CCDC30: variants seen among roughly 807,000 people sequenced by gnomAD.
CCDC30 encodes the protein coiled-coil domain containing 30.
A neutral mutation model predicts 100.2 loss-of-function variants in CCDC30; 70 were observed. That is an observed-to-expected ratio of 0.70 (90% CI 0.58 to 0.85). The LOEUF (loss-of-function observed/expected upper bound fraction) is 0.85, where lower values mean the gene tolerates loss of function less well. CCDC30 is among the 40% of genes least tolerant of loss of function. The probability of loss-of-function intolerance (pLI) is 0.00; values close to 1 mark genes in which losing one functional copy is unlikely to be tolerated. For missense variants in CCDC30, 652 were observed against 771.2 expected (o/e 0.85, Z 1.83); for synonymous variants, 233 against 269.5 (o/e 0.86, Z 1.33).
chr1:42,655,614 G>A (rs531213386), downstream of CCDC30, among the ~76,000 whole-genome samples: 1 of 152,218 alleles, frequency 6.6e-6, no homozygotes, highest in East Asian at 1.9e-4. Flanking sequence ...TCCTGGGGGA[G>A]GGGGTATGAG....
intron 6 of CCDC30, among the ~76,000 whole-genome samples, chr1:42,525,967 G>C (rs1285471760): frequency 6.6e-6 from 1 of 152,092 alleles, no homozygotes; most frequent in African/African-American, 2.4e-5. Flanking sequence ...GTGTGGCTCA[G>C]TATTCAGGAA....
upstream of CCDC30, among the ~76,000 whole-genome samples, chr1:42,461,666 C>A (rs1643415736): frequency 6.6e-6 from 1 of 151,918 alleles, no homozygotes; most frequent in Admixed American, 6.6e-5. Context: ...CCTTCCTCAG[C>A]CTCCCTAGTA....
At chr1:42,565,360 A>G (rs1202380526) in intron 6 of CCDC30, among the ~76,000 whole-genome samples, 1 of 152,206 alleles carries the variant, frequency 6.6e-6, no homozygotes, top group African/African-American at 2.4e-5. Flanking sequence ...AAATAATCCA[A>G]TTTAAAAATA....
chr1:42,616,217 A>G (rs546758068), intron 11 of CCDC30, among the ~76,000 whole-genome samples: 55 of 152,272 alleles, frequency 3.6e-4, no homozygotes, highest in African/African-American at 1.3e-3. Context: ...TGCCTGGCCT[A>G]TTTTGAATTT....
At chr1:42,646,140 T>C in exon 15 of CCDC30, 1 of 1,582,806 alleles carries the variant, frequency 6.3e-7, no homozygotes, top group South Asian at 1.2e-5. Flanking sequence ...CTTAGAATCT[T>C]AAGGAGTTTC....
At chr1:42,576,070 G>A (rs976029600) in intron 7 of CCDC30, among the ~76,000 whole-genome samples, 1 of 152,208 alleles carries the variant, frequency 6.6e-6, no homozygotes, top group African/African-American at 2.4e-5. Flanking sequence ...GCAAGCTGGT[G>A]GGATCTGGAG....
chr1:42,485,329 C>A (rs1644032688), intron 3 of CCDC30, among the ~76,000 whole-genome samples: 1 of 152,052 alleles, frequency 6.6e-6, no homozygotes, highest in South Asian at 2.1e-4. Context: ...ATACATTGGA[C>A]TAAATCAAAA....
At chr1:42,565,135 T>A (rs1242031632) in intron 6 of CCDC30, among the ~76,000 whole-genome samples, 1 of 152,184 alleles carries the variant, frequency 6.6e-6, no homozygotes, top group Non-Finnish European at 1.5e-5. Flanking sequence ...GTTTCACATT[T>A]TTCTTGGCAA....
At chr1:42,579,229 A>T (rs1449322679) in intron 8 of CCDC30, among the ~76,000 whole-genome samples, 1 of 151,612 alleles carries the variant, frequency 6.6e-6, no homozygotes, top group Non-Finnish European at 1.5e-5. Flanking sequence ...TGACCTCGTG[A>T]TCCACCCACC....
At chr1:42,576,840 C>G (rs1256301999) in intron 7 of CCDC30, among the ~76,000 whole-genome samples, 180 bp from the exon 12 acceptor site, 1 of 152,136 alleles carries the variant, frequency 6.6e-6, no homozygotes, top group African/African-American at 2.4e-5. Context: ...ATTCCTTTGT[C>G]TAACTGCCAT....
the CCDC30 span, chr1:42,456,901 T>G: frequency 6.2e-7 from 1 of 1,612,136 alleles, no homozygotes; most frequent in Non-Finnish European, 8.5e-7. Flanking sequence ...GCCCAGCCCT[T>G]TCGGGCTTGC....
chr1:42,567,235 T>C (rs12034787), intron 7 of CCDC30, among the ~76,000 whole-genome samples: 17,729 of 152,246 alleles, frequency 0.12, 1,266 homozygotes, highest in East Asian at 0.27. Flanking sequence ...CTTCTGTTTT[T>C]ATAAATAAAG....
At chr1:42,618,172 T>C (rs1021705092) in intron 11 of CCDC30, among the ~76,000 whole-genome samples, 9 of 151,304 alleles carry the variant, frequency 5.9e-5, no homozygotes, top group Admixed American at 3.3e-4. Context: ...ACAGGTATAC[T>C]GCTGGATCTT....
intron 7 of CCDC30, among the ~76,000 whole-genome samples, chr1:42,572,026 AT>A (rs762347669): frequency 2.0e-5 from 3 of 152,338 alleles, no homozygotes; most frequent in Admixed American, 6.5e-5. Context: ...ATGCACATGT[AT>A]CCTGATGTCC....
chr1:42,609,311 T>C (rs1181751795), intron 10 of CCDC30, among the ~76,000 whole-genome samples: 1 of 152,254 alleles, frequency 6.6e-6, no homozygotes, highest in African/African-American at 2.4e-5. Flanking sequence ...TTATTTTCTC[T>C]AGTTTACTTT....
chr1:42,586,494 A>G (rs1480409776), intron 9 of CCDC30, among the ~76,000 whole-genome samples: 1 of 152,010 alleles, frequency 6.6e-6, no homozygotes, highest in Non-Finnish European at 1.5e-5. Context: ...ATTTAGAGAC[A>G]GGATCTCCCT....
intron 4 of CCDC30, among the ~76,000 whole-genome samples, chr1:42,494,192 A>G (rs1310504893): frequency 6.6e-6 from 1 of 152,268 alleles, no homozygotes. Flanking sequence ...GCCCTCAGAA[A>G]TAACACCGCA....
intron 11 of CCDC30, among the ~76,000 whole-genome samples, chr1:42,623,422 G>C (rs546817423): frequency 2.6e-5 from 4 of 152,294 alleles, no homozygotes; most frequent in African/African-American, 2.4e-5. Context: ...TACAGTGAGA[G>C]ATAGGGATCT....
chr1:42,566,415 A>G (rs1645607660), exon 7 of CCDC30: 3 of 1,613,946 alleles, frequency 1.9e-6, no homozygotes, highest in Non-Finnish European at 8.5e-7. Flanking sequence ...TTCGATATGA[A>G]CGAGGGCAGA....
Sources: allele counts gnomAD v4.1 joint callset (sites outside exome capture counted in the v4.1 genomes callset), GRCh38; gene constraint gnomAD v4.1.1; transcripts MANE v1.5; gene names NCBI Gene and HGNC (gene_info 2026-07-23, HGNC 2026-07-21).